PRKD1: variants seen among roughly 807,000 people sequenced by gnomAD.
The protein encoded by PRKD1 is protein kinase D1.
PRKD1 carries 63 observed loss-of-function variants against 95.9 expected under a neutral mutation model. That is an observed-to-expected ratio of 0.66 (90% confidence interval 0.54 to 0.81). The LOEUF is 0.81. PRKD1 is among the 30% of genes least tolerant of loss of function. The pLI is 0.00. For missense variants in PRKD1, 1,048 were observed against 1,165.3 expected, an observed-to-expected ratio of 0.90 and a Z score of 1.47; for synonymous variants, 425 against 423.1, an observed-to-expected ratio of 1.00 and a Z score of -0.05.
rs201272915 is a variant in PRKD1 at position 29,831,455 on chromosome 14, T to TA, written c.264+95793_264+95794insT. Among the ~76,000 whole-genome samples, 13 of 151,592 alleles carry TA rather than the reference T, an allele frequency of 8.6e-5. 1 individual carries two copies. Among genetic ancestry groups the TA allele is most frequent in the Middle Eastern group, 3.4e-3 (1 of 294 alleles). ...GTAGTTATTAGAATGTTTGGTTTTT[T>TA]TTTTTTTTTTTTGGTTGGTTGTTTG... On this transcript the variant is annotated intron_variant, in intron 1 of 17. Coordinates refer to ENST00000331968, the MANE Select transcript of PRKD1 (RefSeq NM_002742.3).
At chr14:29,632,617 T>A (rs975389129) in intron 9 of PRKD1, among the ~76,000 whole-genome samples, 1 of 151,854 alleles carries the variant, frequency 6.6e-6, no homozygotes, top group Non-Finnish European at 1.5e-5. Flanking sequence ...AATCTTCACC[T>A]CCCTCCCTCT....
intron 1 of PRKD1, among the ~76,000 whole-genome samples, chr14:29,886,162 CAG>C (rs1386255271): frequency 9.2e-5 from 14 of 152,138 alleles, no homozygotes; most frequent in Non-Finnish European, 2.1e-4. Context: ...GCCCTCCACT[CAG>C]ACACATTCTT....
At chr14:29,904,863 C>T (rs970721492) in intron 1 of PRKD1, among the ~76,000 whole-genome samples, 1 of 152,172 alleles carries the variant, frequency 6.6e-6, no homozygotes, top group African/African-American at 2.4e-5. Context: ...CCTAACACTC[C>T]TATTGTAAAA....
chr14:29,707,958 A>T (rs1360781415), intron 2 of PRKD1, among the ~76,000 whole-genome samples: 1 of 152,142 alleles, frequency 6.6e-6, no homozygotes, highest in Non-Finnish European at 1.5e-5. Flanking sequence ...ATCAATCTTC[A>T]TTAACTGCCC....
Position 29,577,126 on chromosome 14 carries a change from G to T in PRKD1, c.*112C>A. The T allele has an allele frequency of 8.9e-7, 1 of 1,123,598 alleles. No individual in the cohort carries two copies. Among genetic ancestry groups the T allele is most frequent in the Non-Finnish European group, 1.3e-6 (1 of 773,796 alleles). 69.6% of individuals were successfully genotyped at this position (1,123,598 alleles called of 1,614,324 possible). ...CATCAACAGTGCTAACAGTTTAACA[G>T]CTTTGTTCTCATCTGACAGAAAATA... On this transcript the variant is annotated 3_prime_UTR_variant, in exon 18 of 18. Coordinates refer to ENST00000331968, the MANE Select transcript of PRKD1 (RefSeq NM_002742.3).
intron 1 of PRKD1, among the ~76,000 whole-genome samples, chr14:29,820,793 G>A (rs1227654801): frequency 6.6e-6 from 1 of 152,120 alleles, no homozygotes; most frequent in East Asian, 1.9e-4. Context: ...AGGGAAGGGA[G>A]AAAAGGAATA....
chr14:29,690,025 C>G (rs1267287675), intron 2 of PRKD1, among the ~76,000 whole-genome samples: 1 of 152,102 alleles, frequency 6.6e-6, no homozygotes, highest in Non-Finnish European at 1.5e-5. Context: ...GGGCTTTATA[C>G]CTAAGTGACA....
intron 2 of PRKD1, among the ~76,000 whole-genome samples, chr14:29,716,296 G>C (rs187129380): frequency 1.9e-4 from 29 of 152,140 alleles, no homozygotes; most frequent in African/African-American, 7.0e-4. Context: ...GAAGAGAGAA[G>C]CTTGATATGT....
intron 16 of PRKD1, among the ~76,000 whole-genome samples, chr14:29,588,475 A>C (rs1048291523): frequency 1.3e-5 from 2 of 152,214 alleles, no homozygotes; most frequent in Non-Finnish European, 2.9e-5. Flanking sequence ...ATATCTTAAA[A>C]ATTTAGATGC....
At chr14:29,587,718 A>G (rs1423853650) in intron 16 of PRKD1, among the ~76,000 whole-genome samples, 2 of 152,224 alleles carry the variant, frequency 1.3e-5, no homozygotes, top group Admixed American at 6.5e-5. Flanking sequence ...ATATGTATAC[A>G]TAGGTATATA....
intron 13 of PRKD1, 36 bp from the exon 14 acceptor site, chr14:29,599,853 G>A: frequency 6.3e-7 from 1 of 1,576,606 alleles, no homozygotes; most frequent in Non-Finnish European, 8.6e-7. Flanking sequence ...AAGAAAATGA[G>A]TTTTTTGATA....
intron 2 of PRKD1, among the ~76,000 whole-genome samples, chr14:29,709,990 T>C (rs947410663): frequency 5.3e-5 from 8 of 152,192 alleles, no homozygotes; most frequent in Non-Finnish European, 4.4e-5. Flanking sequence ...AGTGTTCAAT[T>C]ACTTCTTCAC....
At chr14:29,672,393 C>T (rs375803845) in intron 2 of PRKD1, among the ~76,000 whole-genome samples, 26 of 151,250 alleles carry the variant, frequency 1.7e-4, no homozygotes, top group East Asian at 5.8e-4. Context: ...CAATTAGTAA[C>T]GATTAGCAAC....
chr14:29,807,706 T>G (rs1890292849), intron 1 of PRKD1, among the ~76,000 whole-genome samples: 1 of 151,914 alleles, frequency 6.6e-6, no homozygotes, highest in Non-Finnish European at 1.5e-5. Flanking sequence ...CCAATTTCTT[T>G]TCTTTTCTTT....
Position 29,577,473 on chromosome 14 carries a change from A to C in PRKD1, c.2521-17T>G. ...CTGATAGTCCTGAAGAAGAAATTCCAAAATATTACCATAGAGATCATTACA... is the reference window on the plus strand; with the variant it reads ...CTGATAGTCCTGAAGAAGAAATTCCCAAATATTACCATAGAGATCATTACA... On this transcript the variant is annotated splice_polypyrimidine_tract_variant and intron_variant, in intron 17 of 17. Coordinates refer to ENST00000331968, the MANE Select transcript of PRKD1 (RefSeq NM_002742.3). 1 of 1,601,152 alleles carries C rather than the reference A, an allele frequency of 6.2e-7. No homozygotes were observed. Among genetic ancestry groups the C allele is most frequent in the Non-Finnish European group, 8.6e-7 (1 of 1,168,666 alleles).
intron 2 of PRKD1, among the ~76,000 whole-genome samples, chr14:29,715,889 T>C (rs763820132): frequency 2.2e-4 from 34 of 152,170 alleles, no homozygotes; most frequent in Non-Finnish European, 4.6e-4. Flanking sequence ...ATAAGCCACA[T>C]GCGTTTTAGA....
intron 1 of PRKD1, among the ~76,000 whole-genome samples, chr14:29,768,736 A>G (rs575668227): frequency 1.3e-5 from 2 of 152,132 alleles, no homozygotes; most frequent in South Asian, 4.1e-4. Context: ...CCAAAGCAAA[A>G]TAACTGAGTA....
At chr14:29,645,737 G>C (rs1335649526) in intron 4 of PRKD1, among the ~76,000 whole-genome samples, 1 of 151,990 alleles carries the variant, frequency 6.6e-6, no homozygotes, top group Non-Finnish European at 1.5e-5. Context: ...TGTTATTATT[G>C]TTGACCTTTA....
intron 2 of PRKD1, among the ~76,000 whole-genome samples, chr14:29,708,310 C>T (rs867058589): frequency 2.0e-5 from 3 of 152,232 alleles, no homozygotes; most frequent in Middle Eastern, 3.4e-3. Context: ...GATAATTTTA[C>T]ATATCTTCAG....
Sources: gnomAD v4.1 joint callset for allele counts (sites outside exome capture counted in the v4.1 genomes callset) on GRCh38, gnomAD v4.1.1 for gene constraint, MANE v1.5 for transcripts, NCBI Gene and HGNC (gene_info 2026-07-23, HGNC 2026-07-21) for gene names.